EYA4: variants seen among roughly 807,000 people sequenced by gnomAD.
EYA4 encodes the protein EYA transcriptional coactivator and phosphatase 4, also known as protein phosphatase EYA4.
Under a neutral mutation model 87.9 loss-of-function variants are expected in EYA4, and 31 were observed. The ratio of observed to expected loss-of-function variants is 0.35; its 90% CI spans 0.27 to 0.48. The LOEUF (loss-of-function observed/expected upper bound fraction) is 0.48, where lower values mean the gene tolerates loss of function less well. EYA4 is among the 20% of genes least tolerant of loss of function. The probability of loss-of-function intolerance (pLI) is 0.99; values close to 1 mark genes in which losing one functional copy is unlikely to be tolerated. For missense variants in EYA4, 678 were observed against 761.4 expected, an observed-to-expected ratio of 0.89 and a Z score of 1.29; for synonymous variants, 263 against 270.6, an observed-to-expected ratio of 0.97 and a Z score of 0.28.
intron 10 of EYA4, among the ~76,000 whole-genome samples, chr6:133,467,373 A>G (rs1446097744): frequency 6.6e-6 from 1 of 152,110 alleles, no homozygotes. Flanking sequence ...TTAAGACCAC[A>G]TAAGAGAGTA....
At chr6:133,301,172 A>G (rs9402502) in intron 2 of EYA4, among the ~76,000 whole-genome samples, 22,921 of 152,216 alleles carry the variant, frequency 0.15, 1,780 homozygotes, top group Non-Finnish European at 0.17. Flanking sequence ...AATTATTATA[A>G]TCATAAGAGT....
chr6:133,313,605 T>C (rs916352931), intron 2 of EYA4, among the ~76,000 whole-genome samples: 8 of 152,178 alleles, frequency 5.3e-5, no homozygotes, highest in African/African-American at 7.2e-5. Flanking sequence ...AATAGGAAAA[T>C]GAAACTGGAT....
intron 2 of EYA4, among the ~76,000 whole-genome samples, chr6:133,358,211 C>T (rs918246185): frequency 1.3e-5 from 2 of 152,072 alleles, no homozygotes; most frequent in African/African-American, 4.8e-5. Flanking sequence ...CTGGACAGAG[C>T]TTTGTCTTTA....
intron 13 of EYA4, among the ~76,000 whole-genome samples, chr6:133,483,601 CT>C (rs1562474121): frequency 2.6e-5 from 4 of 151,782 alleles, no homozygotes; most frequent in Non-Finnish European, 5.9e-5. Flanking sequence ...GTAACACCCC[CT>C]CCCATACACA....
intron 2 of EYA4, among the ~76,000 whole-genome samples, chr6:133,345,777 A>G (rs1783147145): frequency 6.6e-6 from 1 of 152,360 alleles, no homozygotes; most frequent in South Asian, 2.1e-4. Context: ...AAAATAGTCT[A>G]TTCATTAGAT....
chr6:133,378,926 G>GGTTGTGT (rs377618134), intron 2 of EYA4, among the ~76,000 whole-genome samples: 1 of 141,726 alleles, frequency 7.1e-6, no homozygotes, highest in African/African-American at 2.7e-5. Flanking sequence ...TTTCTGTCTT[G>GGTTGTGT]GTGTGTGTGT....
intron 2 of EYA4, among the ~76,000 whole-genome samples, chr6:133,381,943 A>G (rs1343057104): frequency 1.3e-5 from 2 of 152,252 alleles, no homozygotes; most frequent in Non-Finnish European, 2.9e-5. Context: ...TACAGCCACT[A>G]GACTGAGAAA....
intron 1 of EYA4, among the ~76,000 whole-genome samples, chr6:133,251,934 A>C (rs188126957): frequency 1.1e-4 from 17 of 152,360 alleles, no homozygotes; most frequent in African/African-American, 3.8e-4. Context: ...AACAATTCTC[A>C]TTAGTCTGTG....
At chr6:133,360,530 C>CAA (rs1784375339) in intron 2 of EYA4, 1 of 152,198 alleles carries the variant, frequency 6.6e-6, no homozygotes, top group Non-Finnish European at 1.5e-5. Context: ...TCACCATAAT[C>CAA]AAACAAGTGT....
At chr6:133,445,075 T>G (rs1362308182) in intron 3 of EYA4, among the ~76,000 whole-genome samples, 1 of 152,214 alleles carries the variant, frequency 6.6e-6, no homozygotes, top group African/African-American at 2.4e-5. Flanking sequence ...GCTGCTTTAA[T>G]CGTTCTGTTG....
intron 11 of EYA4, among the ~76,000 whole-genome samples, chr6:133,477,274 C>G (rs951671080): frequency 2.6e-5 from 4 of 152,098 alleles, no homozygotes; most frequent in African/African-American, 9.7e-5. Context: ...GTGTCTCCTA[C>G]ACTTGTTATT....
chr6:133,432,841 A>G (rs1441088514), intron 3 of EYA4, among the ~76,000 whole-genome samples: 1 of 152,162 alleles, frequency 6.6e-6, no homozygotes, highest in Non-Finnish European at 1.5e-5. Context: ...AAGATACAGA[A>G]TGTCTTGGCA....
intron 2 of EYA4, among the ~76,000 whole-genome samples, chr6:133,290,237 C>CG (rs1267704204): frequency 2.6e-5 from 4 of 152,152 alleles, no homozygotes; most frequent in African/African-American, 9.7e-5. Flanking sequence ...AATCTTACCC[C>CG]GGGAAGTGTG....
intron 1 of EYA4, among the ~76,000 whole-genome samples, chr6:133,255,919 A>T (rs1775298784): frequency 6.6e-6 from 1 of 151,948 alleles, no homozygotes; most frequent in African/African-American, 2.4e-5. Flanking sequence ...TGTAGATAAA[A>T]CTCTAGATGC....
chr6:133,435,884 C>T (rs78888630), intron 3 of EYA4, among the ~76,000 whole-genome samples: 9,024 of 151,866 alleles, frequency 0.059, 471 homozygotes, highest in East Asian at 0.23. Flanking sequence ...CACACACACC[C>T]CCCCTCACTC....
chr6:133,511,861 G>T (rs1331884766), intron 14 of EYA4: 1 of 151,974 alleles, frequency 6.6e-6, no homozygotes, highest in African/African-American at 2.4e-5. Context: ...GGCGCCTGTA[G>T]TCCCAGCTAC....
intron 1 of EYA4, among the ~76,000 whole-genome samples, chr6:133,249,807 T>C (rs9402493): frequency 0.2 from 30,711 of 152,148 alleles, 3,236 homozygotes; most frequent in African/African-American, 0.24. Context: ...GTTTCTTTCT[T>C]GTTACTCCCA....
chr6:133,419,878 A>G (rs1231609335), intron 3 of EYA4, among the ~76,000 whole-genome samples: 1 of 152,204 alleles, frequency 6.6e-6, no homozygotes, highest in Non-Finnish European at 1.5e-5. Context: ...TTAAAGATAG[A>G]CATTTATGAA....
intron 1 of EYA4, among the ~76,000 whole-genome samples, chr6:133,245,720 T>A (rs774031257): frequency 6.6e-6 from 1 of 152,232 alleles, no homozygotes; most frequent in African/African-American, 2.4e-5. Context: ...AGTCATTAAA[T>A]CATTTTTGGA....
Sources: gnomAD v4.1 joint callset for allele counts (sites outside exome capture counted in the v4.1 genomes callset) on GRCh38, gnomAD v4.1.1 for gene constraint, MANE v1.5 for transcripts, NCBI Gene and HGNC (gene_info 2026-07-23, HGNC 2026-07-21) for gene names.